HRH1: variants seen among roughly 807,000 people sequenced by gnomAD.
The protein encoded by HRH1 is histamine receptor H1, also known as histamine H1 receptor.
Under a neutral mutation model 10.3 loss-of-function variants are expected in HRH1, and 6 were observed. The ratio of observed to expected loss-of-function variants is 0.58; its 90% CI spans 0.32 to 1.15. The LOEUF is 1.15. Among genes scored for constraint, HRH1 ranks in the 50% most tolerant of loss-of-function variants. The probability of loss-of-function intolerance (pLI) is 0.05; values close to 1 mark genes in which losing one functional copy is unlikely to be tolerated. For missense variants in HRH1, 514 were observed against 615.3 expected, an observed-to-expected ratio of 0.84 and a Z score of 1.74; for synonymous variants, 242 against 236.7, an observed-to-expected ratio of 1.02 and a Z score of -0.21.
In HRH1 at chr3:11,217,677, A is replaced by G. The variant is rs558515996; in HGVS notation, c.-35-41326A>G. Among the ~76,000 whole-genome samples, 23 of 152,362 alleles carry G rather than the reference A, an allele frequency of 1.5e-4. No individual in the cohort carries two copies. The South Asian group carries it at 4.6e-3, about 30-fold the overall frequency. Reference sequence around the variant, plus strand: ...GCACAACAATATGAATGTACTTAACATTGCTGATCTGTACACTTTAAAATG... The same window carrying G: ...GCACAACAATATGAATGTACTTAACGTTGCTGATCTGTACACTTTAAAATG... On this transcript the variant is annotated intron_variant, in intron 1 of 1. Coordinates refer to ENST00000431010, the MANE Select transcript of HRH1 (RefSeq NM_001098212.2).
intron 1 of HRH1, chr3:11,234,540 C>T (rs1389778606): frequency 8.5e-6 from 12 of 1,404,404 alleles, no homozygotes; most frequent in Non-Finnish European, 1.2e-5. Context: ...CAGTTAATGT[C>T]TTCATTGGTA....
chr3:11,258,075 T>C (rs1352775991), intron 1 of HRH1, among the ~76,000 whole-genome samples: 1 of 152,032 alleles, frequency 6.6e-6, no homozygotes, highest in Non-Finnish European at 1.5e-5. Context: ...CGAATATGCT[T>C]TTCCAATAAC....
chr3:11,214,703 GTA>G (rs1259785756), intron 1 of HRH1, among the ~76,000 whole-genome samples: 2 of 152,216 alleles, frequency 1.3e-5, no homozygotes, highest in African/African-American at 4.8e-5. Flanking sequence ...TAGACACTTT[GTA>G]TATGTTTAAT....
At chr3:11,175,508 C>T (rs971585640) in intron 1 of HRH1, among the ~76,000 whole-genome samples, 1 of 152,164 alleles carries the variant, frequency 6.6e-6, no homozygotes, top group African/African-American at 2.4e-5. Flanking sequence ...CTTCAGCACC[C>T]TGAAATGCAG....
chr3:11,169,221 G>A (rs1937107591), intron 1 of HRH1, among the ~76,000 whole-genome samples: 2 of 152,140 alleles, frequency 1.3e-5, no homozygotes, highest in Admixed American at 6.5e-5. Context: ...CTTGCCTGGT[G>A]GGGGTGAGGA....
intron 1 of HRH1, among the ~76,000 whole-genome samples, chr3:11,147,209 G>T (rs989405618): frequency 6.6e-6 from 1 of 152,154 alleles, no homozygotes; most frequent in Non-Finnish European, 1.5e-5. Context: ...CAGGGATAAG[G>T]TCTGATTCTT....
intron 1 of HRH1, among the ~76,000 whole-genome samples, chr3:11,191,003 G>A (rs578068167): frequency 7.2e-5 from 11 of 152,142 alleles, no homozygotes; most frequent in Non-Finnish European, 1.3e-4. Context: ...CACGTGGAAG[G>A]AAGAGTTCAC....
intron 1 of HRH1, among the ~76,000 whole-genome samples, chr3:11,179,537 G>A (rs1320201618): frequency 2.0e-5 from 3 of 150,430 alleles, no homozygotes; most frequent in South Asian, 2.1e-4. Flanking sequence ...GGAGAATGGC[G>A]TGAACTCGGG....
chr3:11,171,438 C>G (rs1194029205), intron 1 of HRH1, among the ~76,000 whole-genome samples: 1 of 151,994 alleles, frequency 6.6e-6, no homozygotes, highest in Non-Finnish European at 1.5e-5. Context: ...TTTTGACTGC[C>G]CATTCATTCT....
intron 1 of HRH1, among the ~76,000 whole-genome samples, chr3:11,207,247 G>T (rs1380605128): frequency 6.6e-6 from 1 of 152,036 alleles, no homozygotes; most frequent in African/African-American, 2.4e-5. Flanking sequence ...CTTACTAGAG[G>T]TTCAGAGTGA....
chr3:11,259,150 G>T lies in HRH1; in HGVS notation c.113G>T (p.Cys38Phe). The T allele has an allele frequency of 6.2e-7, 1 of 1,614,082 alleles. No homozygotes were observed. Among genetic ancestry groups the T allele is most frequent in the Non-Finnish European group, 8.5e-7 (1 of 1,180,036 alleles). The change falls in exon 2 of 2, where the codon TGC becomes TTC. Residue 38 changes from cysteine to phenylalanine, a missense_variant. By Grantham distance (205) the Cys-to-Phe change is radical (BLOSUM62 -2). Transcript: ENST00000431010. The surrounding 1 kb of genome is among the most constrained non-coding windows in gnomAD (Gnocchi z 4.6). The part of the protein sequence containing the change: ...MPLVVVLSTI[C>F]LVTVGLNLLV... ...CTGGTGGTGGTCCTGAGCACTATCT[G>T]CTTGGTCACAGTAGGGCTCAACCTG...
rs370471837 is a variant in HRH1 at position 11,250,729 on chromosome 3, G to C, written c.-35-8274G>C. On this transcript the variant is annotated intron_variant, in intron 1 of 1. Transcript: ENST00000431010. ...GGCAATCTAAAAAGCATCTCATAAGGGGGTAGACCTATGTTTTTTCAGGGA... is the reference window on the plus strand; with the variant it reads ...GGCAATCTAAAAAGCATCTCATAAGCGGGTAGACCTATGTTTTTTCAGGGA... 9.8e-4 allele frequency among the ~76,000 whole-genome samples: 149 copies of C among 152,272 alleles called. 4 individuals are homozygous for C. The South Asian group carries it at 0.03, about 30-fold the overall frequency.
intron 1 of HRH1, among the ~76,000 whole-genome samples, chr3:11,179,893 C>T (rs1044289473): frequency 1.1e-4 from 17 of 151,792 alleles, no homozygotes; most frequent in Admixed American, 2.0e-4. Flanking sequence ...ACTTCAGCCT[C>T]CTCAGTAGTT....
intron 1 of HRH1, among the ~76,000 whole-genome samples, chr3:11,245,902 C>G (rs746751768): frequency 1.3e-5 from 2 of 152,034 alleles, no homozygotes; most frequent in Non-Finnish European, 2.9e-5. Flanking sequence ...TGCACATGCT[C>G]TCACACACAC....
chr3:11,243,348 C>T (rs2152581808), intron 1 of HRH1, among the ~76,000 whole-genome samples: 1 of 152,290 alleles, frequency 6.6e-6, no homozygotes, highest in African/African-American at 2.4e-5. Flanking sequence ...ATGGGATGTC[C>T]CCATGGTGTT....
chr3:11,232,342 G>A (rs1156918511), intron 1 of HRH1, among the ~76,000 whole-genome samples: 3 of 152,022 alleles, frequency 2.0e-5, no homozygotes, highest in South Asian at 2.1e-4. Flanking sequence ...TGCCTATGAC[G>A]TCCAATTGTG....
chr3:11,183,664 T>A (rs2125018185), intron 1 of HRH1, among the ~76,000 whole-genome samples: 1 of 151,986 alleles, frequency 6.6e-6, no homozygotes, highest in South Asian at 2.1e-4. Context: ...CTTCTTTCCT[T>A]GATTTCCAGG....
chr3:11,249,620 G>A (rs1177206319), intron 1 of HRH1, among the ~76,000 whole-genome samples: 2 of 152,126 alleles, frequency 1.3e-5, no homozygotes, highest in African/African-American at 4.8e-5. Flanking sequence ...ATTGGCAATT[G>A]GGAGGAGTAC....
At chr3:11,246,109 C>T (rs1939478114) in intron 1 of HRH1, among the ~76,000 whole-genome samples, 1 of 152,070 alleles carries the variant, frequency 6.6e-6, no homozygotes, top group Non-Finnish European at 1.5e-5. Flanking sequence ...CACACAAACA[C>T]ACATGCACAT....
Sources: allele counts gnomAD v4.1 joint callset (sites outside exome capture counted in the v4.1 genomes callset), GRCh38; gene constraint gnomAD v4.1.1; non-coding constraint Gnocchi (gnomAD v3.1); transcripts MANE v1.5; gene names NCBI Gene and HGNC (gene_info 2026-07-23, HGNC 2026-07-21).